Variants in WDPCP observed in about 807,000 individuals in gnomAD.
WDPCP encodes WD repeat containing planar cell polarity effector, also known as WD repeat-containing and planar cell polarity effector protein fritz homolog.
Under a neutral mutation model 93.1 loss-of-function variants are expected in WDPCP, and 71 were observed. The observed-to-expected ratio is 0.76, with a 90% CI of 0.63 to 0.93. The LOEUF (loss-of-function observed/expected upper bound fraction) is 0.93, where lower values mean the gene tolerates loss of function less well. Ranked by LOEUF, WDPCP falls within the 40% of genes least tolerant of loss-of-function variation. The pLI is 0.00. For missense variants in WDPCP, 844 were observed against 887.4 expected (o/e 0.95, Z 0.62); for synonymous variants, 315 against 315.0 (o/e 1.00, Z 0.00).
chr2:63,332,817 C>T (rs1435740975), intron 12 of WDPCP, among the ~76,000 whole-genome samples: 1 of 152,032 alleles, frequency 6.6e-6, no homozygotes, highest in African/African-American at 2.4e-5. Flanking sequence ...CTGTGCTGCC[C>T]AGACTGATCT....
chr2:63,165,061 C>T (rs1672869854), intron 15 of WDPCP, among the ~76,000 whole-genome samples: 1 of 151,974 alleles, frequency 6.6e-6, no homozygotes, highest in Non-Finnish European at 1.5e-5. Flanking sequence ...TGGATTAAAC[C>T]CTCCAATTAA....
intron 14 of WDPCP, among the ~76,000 whole-genome samples, chr2:63,216,723 TA>T (rs754155315): frequency 3.3e-5 from 5 of 150,120 alleles, no homozygotes; most frequent in Non-Finnish European, 7.4e-5. Context: ...AAAAAAAAAC[TA>T]AAAAAAAATA....
intron 6 of WDPCP, among the ~76,000 whole-genome samples, chr2:63,452,692 A>G (rs1698340277): frequency 1.3e-5 from 2 of 152,252 alleles, no homozygotes; most frequent in South Asian, 4.1e-4. Flanking sequence ...ACTTCAAACT[A>G]TACTACAAGG....
chr2:63,766,772 A>G (rs185335377), intron 2 of WDPCP, among the ~76,000 whole-genome samples: 63 of 152,244 alleles, frequency 4.1e-4, no homozygotes, highest in Non-Finnish European at 7.1e-4. Flanking sequence ...CATCTTAACA[A>G]TTTTAAGTAT....
chr2:63,150,127 G>C (rs553660259), intron 17 of WDPCP, among the ~76,000 whole-genome samples: 18 of 152,268 alleles, frequency 1.2e-4, no homozygotes, highest in South Asian at 6.2e-4. Context: ...ATTGAGGAGG[G>C]ACACCCAGGG....
chr2:63,256,645 T>C (rs1681176222), intron 14 of WDPCP, among the ~76,000 whole-genome samples: 1 of 152,178 alleles, frequency 6.6e-6, no homozygotes, highest in South Asian at 2.1e-4. Context: ...AGAATGTTCA[T>C]AGCAACACTA....
the WDPCP span, among the ~76,000 whole-genome samples, chr2:63,838,268 A>C: frequency 1.3e-5 from 2 of 152,236 alleles, no homozygotes; most frequent in Non-Finnish European, 2.9e-5. Flanking sequence ...ATAGGACCAC[A>C]GACATGGTTT....
chr2:63,667,560 G>A (rs934097166), intron 2 of WDPCP, among the ~76,000 whole-genome samples: 5 of 152,142 alleles, frequency 3.3e-5, no homozygotes, highest in Non-Finnish European at 5.9e-5. Context: ...ACATTCAAAA[G>A]CAGTTCAGAA....
intron 13 of WDPCP, among the ~76,000 whole-genome samples, chr2:63,309,119 G>A (rs1016081528): frequency 5.9e-5 from 9 of 152,102 alleles, no homozygotes; most frequent in Non-Finnish European, 1.5e-5. Flanking sequence ...AGTTGGTAGA[G>A]GAGTAAGGGT....
chr2:63,378,913 T>C (rs1228428404), intron 11 of WDPCP, among the ~76,000 whole-genome samples: 1 of 152,120 alleles, frequency 6.6e-6, no homozygotes, highest in East Asian at 1.9e-4. Context: ...GGAACTGAAA[T>C]CGATATAGCA....
intron 1 of WDPCP, among the ~76,000 whole-genome samples, chr2:63,558,001 C>T (rs1050155817): frequency 6.6e-6 from 1 of 151,994 alleles, no homozygotes; most frequent in African/African-American, 2.4e-5. Context: ...GAAGCAGTGT[C>T]ATAAGGGAAA....
intron 14 of WDPCP, among the ~76,000 whole-genome samples, chr2:63,180,381 A>G (rs891028741): frequency 6.6e-6 from 1 of 152,086 alleles, no homozygotes; most frequent in African/African-American, 2.4e-5. Context: ...CCATTATTCC[A>G]TACTTTATGT....
intron 2 of WDPCP, among the ~76,000 whole-genome samples, chr2:63,807,028 T>C (rs1205579702): frequency 6.6e-6 from 1 of 152,176 alleles, no homozygotes; most frequent in East Asian, 1.9e-4. Context: ...CACAAGGGTA[T>C]TGATTGGGGA....
intron 12 of WDPCP, among the ~76,000 whole-genome samples, chr2:63,350,975 A>AC (rs2104550345): frequency 1.5e-5 from 1 of 66,290 alleles, no homozygotes; most frequent in Non-Finnish European, 2.6e-5. Context: ...ATCAACATTT[A>AC]TTTATTATTA....
chr2:63,564,735 A>G (rs1706897169), intron 1 of WDPCP: 1 of 151,794 alleles, frequency 6.6e-6, no homozygotes, highest in South Asian at 2.1e-4. Context: ...TTCTAAATCT[A>G]TAGTATTTAT....
At chr2:63,511,939 AC>A (rs1315189579) in intron 1 of WDPCP, among the ~76,000 whole-genome samples, 4 of 152,386 alleles carry the variant, frequency 2.6e-5, no homozygotes, top group African/African-American at 9.6e-5. Flanking sequence ...AGCAAAAGAA[AC>A]TATCATCAGA....
At chr2:63,784,831 T>C (rs1440768717) in intron 2 of WDPCP, among the ~76,000 whole-genome samples, 1 of 152,162 alleles carries the variant, frequency 6.6e-6, no homozygotes, top group Non-Finnish European at 1.5e-5. Context: ...GGAACCAATG[T>C]TATGTTTGGG....
chr2:63,782,739 C>CGTGT (rs1385959723), intron 2 of WDPCP, among the ~76,000 whole-genome samples: 30 of 103,560 alleles, frequency 2.9e-4, no homozygotes, highest in African/African-American at 6.6e-4. Context: ...CCACAGGCAA[C>CGTGT]ATGTGTGTGT....
chr2:63,697,876 G>A (rs778013119), intron 2 of WDPCP, among the ~76,000 whole-genome samples: 1 of 151,910 alleles, frequency 6.6e-6, no homozygotes, highest in African/African-American at 2.4e-5. Context: ...TTGAACTCCT[G>A]AGTTCAAAAG....
Sources: allele counts gnomAD v4.1 joint callset (sites outside exome capture counted in the v4.1 genomes callset), GRCh38; gene constraint gnomAD v4.1.1; transcripts MANE v1.5; gene names NCBI Gene and HGNC (gene_info 2026-07-23, HGNC 2026-07-21).